Variants in PRKCH observed in about 807,000 individuals in gnomAD.
PRKCH encodes the protein protein kinase C eta type.
In PRKCH, 28 loss-of-function variants were observed where a neutral mutation model predicts 82.5. That is an observed-to-expected ratio of 0.34 (90% CI 0.25 to 0.47). The LOEUF (loss-of-function observed/expected upper bound fraction) is 0.47. Among genes scored for constraint, PRKCH ranks in the 20% least tolerant of loss-of-function variants. PRKCH has a pLI of 1.00. For missense variants in PRKCH, 705 were observed against 881.8 expected, an observed-to-expected ratio of 0.80 and a Z score of 2.54; for synonymous variants, 322 against 327.4, an observed-to-expected ratio of 0.98 and a Z score of 0.18.
At position 61,549,935 on chromosome 14, in the gene PRKCH, C is replaced by CCTTA; in HGVS notation, c.*106_*109dup. ...CCCAGCATCAGCCTTAGAACAAGAA[C>CCTTA]CTTACCTTCAAGGAGCAAGTGAAGA... On this transcript the variant is annotated 3_prime_UTR_variant, in exon 14 of 14. Coordinates refer to ENST00000332981, the MANE Select transcript of PRKCH (RefSeq NM_006255.5). 7.7e-7 allele frequency: 1 copy of CCTTA among 1,294,450 alleles called. No individual in the cohort carries two copies. The highest frequency in any genetic ancestry group is 1.1e-6 in the Non-Finnish European group (1 of 944,488). The allele number at this position is 1,294,450 out of a possible 1,614,324, so 80.2% of individuals were successfully genotyped here. A position where few individuals can be genotyped will look rare whatever the true frequency, so the allele number is the denominator to read the frequency against.
intron 1 of PRKCH, among the ~76,000 whole-genome samples, chr14:61,309,376 G>A (rs1251200849): frequency 6.6e-6 from 1 of 152,212 alleles, no homozygotes; most frequent in African/African-American, 2.4e-5. Flanking sequence ...GCCAAAGGAT[G>A]AGGTGAATAG....
At position 61,503,307 on chromosome 14, in the gene PRKCH, T is replaced by C. The variant is rs932688774; in HGVS notation, c.1433+17651T>C. Among the ~76,000 whole-genome samples, 2 of 151,836 alleles carry C rather than the reference T, an allele frequency of 1.3e-5. 1 individual carries two copies. The highest frequency in any genetic ancestry group is 4.8e-5 in the African/African-American group (2 of 41,296). Reference sequence around the variant, plus strand: ...GTGTGTTAGTGGTTTTTTTTTTTTTTTTCCTGTAAGAATCTGGTTGAGTAA... The same window carrying C: ...GTGTGTTAGTGGTTTTTTTTTTTTTCTTCCTGTAAGAATCTGGTTGAGTAA... On this transcript the variant is annotated intron_variant, in intron 10 of 13. Coordinates refer to ENST00000332981, the MANE Select transcript of PRKCH (RefSeq NM_006255.5).
chr14:61,433,396 T>C (rs1883514983), intron 2 of PRKCH, among the ~76,000 whole-genome samples: 1 of 152,162 alleles, frequency 6.6e-6, no homozygotes, highest in Admixed American at 6.5e-5. Flanking sequence ...GGAAATGGAA[T>C]AAGCCAAACT....
chr14:61,211,815 A>G (rs1179983016), intron 1 of PRKCH, among the ~76,000 whole-genome samples: 3 of 152,258 alleles, frequency 2.0e-5, no homozygotes, highest in Admixed American at 6.5e-5. Context: ...GACTTGAACA[A>G]AAGTGGGAAA....
At chr14:61,320,517 C>T (rs140258066), upstream of PRKCH, among the ~76,000 whole-genome samples, 79 of 152,092 alleles carry the variant, frequency 5.2e-4, no homozygotes, top group East Asian at 0.015. Flanking sequence ...GTGAATCGCT[C>T]GAACCTGGGA....
At chr14:61,425,671 G>C (rs1399953677) in intron 2 of PRKCH, among the ~76,000 whole-genome samples, 1 of 152,214 alleles carries the variant, frequency 6.6e-6, no homozygotes, top group Non-Finnish European at 1.5e-5. Flanking sequence ...AATGAGTTAA[G>C]ACTTTGGTGA....
At chr14:61,458,194 T>G (rs1163480493) in intron 9 of PRKCH, among the ~76,000 whole-genome samples, 1 of 152,182 alleles carries the variant, frequency 6.6e-6, no homozygotes, top group Non-Finnish European at 1.5e-5. Flanking sequence ...CATGGACTGG[T>G]CTTAAGAATT....
intron 1 of PRKCH, among the ~76,000 whole-genome samples, chr14:61,339,705 T>C (rs961498597): frequency 2.3e-5 from 3 of 132,720 alleles, no homozygotes; most frequent in African/African-American, 8.4e-5. Context: ...CACTCCAGCC[T>C]GGGTCTCACT....
chr14:61,213,431 A>T (rs74054761), intron 1 of PRKCH, among the ~76,000 whole-genome samples: 3 of 152,192 alleles, frequency 2.0e-5, no homozygotes, highest in Non-Finnish European at 4.4e-5. Context: ...ACACTCTCCC[A>T]ATCCTTGCTG....
At chr14:61,389,602 G>A (rs969265742) in intron 1 of PRKCH, among the ~76,000 whole-genome samples, 1 of 151,908 alleles carries the variant, frequency 6.6e-6, no homozygotes, top group Non-Finnish European at 1.5e-5. Flanking sequence ...TTGGGAGGCT[G>A]AGGCAGGAGA....
At chr14:61,245,182 G>A (rs1478127857) in intron 1 of PRKCH, among the ~76,000 whole-genome samples, 1 of 152,112 alleles carries the variant, frequency 6.6e-6, no homozygotes, top group Admixed American at 6.5e-5. Context: ...AATCAATTTG[G>A]AATTTTAAAA....
At chr14:61,263,455 C>T (rs2045068384) in intron 1 of PRKCH, among the ~76,000 whole-genome samples, 1 of 150,158 alleles carries the variant, frequency 6.7e-6, no homozygotes, top group Non-Finnish European at 1.5e-5. Flanking sequence ...TTACTATCCA[C>T]ATTTATGGAA....
At chr14:61,521,311 AT>A (rs2042903667) in intron 10 of PRKCH, among the ~76,000 whole-genome samples, 1 of 152,200 alleles carries the variant, frequency 6.6e-6, no homozygotes. Context: ...CTTCATAAAA[AT>A]TTGGCAGCTT....
intron 10 of PRKCH, among the ~76,000 whole-genome samples, chr14:61,518,435 CAAAAAA>C (rs112769256): frequency 7.8e-6 from 1 of 127,442 alleles, no homozygotes; most frequent in Non-Finnish European, 1.8e-5. Flanking sequence ...ATGTGGAATG[CAAAAAA>C]AAAAAAGAAA....
chr14:61,337,349 G>T (rs2045873133), intron 1 of PRKCH, among the ~76,000 whole-genome samples: 1 of 152,054 alleles, frequency 6.6e-6, no homozygotes, highest in Non-Finnish European at 1.5e-5. Flanking sequence ...ATGTTGCTTA[G>T]GCTGAACATT....
chr14:61,479,628 T>G (rs1042558999), intron 9 of PRKCH, among the ~76,000 whole-genome samples: 3 of 152,194 alleles, frequency 2.0e-5, no homozygotes, highest in Admixed American at 6.5e-5. Flanking sequence ...GCCCATCAGC[T>G]TTAACTCCTA....
intron 9 of PRKCH, among the ~76,000 whole-genome samples, chr14:61,465,376 A>C (rs1296500539): frequency 6.6e-6 from 1 of 152,200 alleles, no homozygotes; most frequent in East Asian, 1.9e-4. Flanking sequence ...TTAAGTCTTT[A>C]GTCCATTTTT....
chr14:61,204,774 A>G (rs1003417928), intron 1 of PRKCH, among the ~76,000 whole-genome samples: 3 of 151,126 alleles, frequency 2.0e-5, no homozygotes, highest in South Asian at 2.1e-4. Flanking sequence ...AAAAAAAAAA[A>G]AAAAGAAAAG....
At chr14:61,397,038 A>G (rs2046796563) in intron 2 of PRKCH, among the ~76,000 whole-genome samples, 1 of 152,302 alleles carries the variant, frequency 6.6e-6, no homozygotes, top group South Asian at 2.1e-4. Context: ...AGGGTGGGGA[A>G]GGGGTGTTAG....
Sources: allele counts gnomAD v4.1 joint callset (sites outside exome capture counted in the v4.1 genomes callset), GRCh38; gene constraint gnomAD v4.1.1; transcripts MANE v1.5; gene names NCBI Gene and HGNC (gene_info 2026-07-23, HGNC 2026-07-21).